The following ADAMTS2 variants were observed in gnomAD, a reference collection of about 807,000 sequenced individuals.
The protein encoded by ADAMTS2 is A disintegrin and metalloproteinase with thrombospondin motifs 2.
A neutral mutation model predicts 123.0 loss-of-function variants in ADAMTS2; 50 were observed. The ratio of observed to expected loss-of-function variants is 0.41; its 90% CI spans 0.32 to 0.51. The LOEUF is 0.51. ADAMTS2 is among the 20% of genes least tolerant of loss of function. The pLI is 0.35. For missense variants in ADAMTS2, 1,494 were observed against 1,705.2 expected, an observed-to-expected ratio of 0.88 and a Z score of 2.18; for synonymous variants, 678 against 695.4, an observed-to-expected ratio of 0.98 and a Z score of 0.39.
chr5:179,115,832 G>A lies in ADAMTS2; in HGVS notation c.3179-1508C>T, dbSNP rs867360469. 5.9e-5 allele frequency among the ~76,000 whole-genome samples: 9 copies of A among 151,998 alleles called. No individual in the cohort carries two copies. Among genetic ancestry groups the A allele is most frequent in the Non-Finnish European group, 1.0e-4 (7 of 68,006 alleles). On this transcript the variant is annotated intron_variant, in intron 21 of 21. Transcript: ENST00000251582. This position sits in a 1 kb window ranked among gnomAD's most constrained non-coding sequence, Gnocchi z 4.4. Reference sequence around the variant, plus strand: ...CAGACAAGACCCCCTTCCTTCCATCGAGGGCCAGTGGTTCTGATGTCCTGC... The same window carrying A: ...CAGACAAGACCCCCTTCCTTCCATCAAGGGCCAGTGGTTCTGATGTCCTGC...
In ADAMTS2 at chr5:179,272,909, ACCTGTGTCCAGGG is replaced by A; in HGVS notation, c.677_688+1del. 6.2e-7 allele frequency: 1 copy of A among 1,608,332 alleles called. No individual in the cohort carries two copies. The highest frequency in any genetic ancestry group is 1.7e-5 in the Admixed American group (1 of 59,990). ...CAGCCTGCCCACCTGCAGTAGCCTC[ACCTGTGTCCAGGG>A]CCTGTGGCCCCCCGAGAGGAGGGGA... On this transcript the variant is annotated splice_donor_variant and coding_sequence_variant, in exon 3 of 22. Transcript: ENST00000251582. LOFTEE classifies it high-confidence loss of function. The surrounding 1 kb of genome is among the most constrained non-coding windows in gnomAD (Gnocchi z 5.8).
intron 2 of ADAMTS2, among the ~76,000 whole-genome samples, chr5:179,331,068 C>T (rs571728793): frequency 6.6e-6 from 1 of 152,024 alleles, no homozygotes; most frequent in South Asian, 2.1e-4. Context: ...TCATCCCCAT[C>T]GCTGTGCCCT....
chr5:179,289,642 G>GA (rs1207236744), intron 2 of ADAMTS2, among the ~76,000 whole-genome samples: 1 of 152,164 alleles, frequency 6.6e-6, no homozygotes, highest in Non-Finnish European at 1.5e-5. Flanking sequence ...TCTGAGACCT[G>GA]AAAAAACCTC....
At chr5:179,329,131 TC>T (rs1232486642) in intron 2 of ADAMTS2, among the ~76,000 whole-genome samples, 1 of 151,904 alleles carries the variant, frequency 6.6e-6, no homozygotes, top group Non-Finnish European at 1.5e-5. Flanking sequence ...ATGGAGACCA[TC>T]CTGGCTAACA....
At position 179,320,181 on chromosome 5, in the gene ADAMTS2, C is replaced by T. The variant is rs186340004; in HGVS notation, c.534+23586G>A. On this transcript the variant is annotated intron_variant, in intron 2 of 21. Transcript: ENST00000251582. ...ATTCCCTCCCGCTCCATGTCTGCCT[C>T]GTGTCCTTCTCTCTCCTGCTGTGCT... Among the ~76,000 whole-genome samples, 1,121 of 152,304 alleles carry T rather than the reference C, an allele frequency of 7.4e-3. 6 individuals are homozygous for T. Among genetic ancestry groups the T allele is most frequent in the Non-Finnish European group, 0.011 (777 of 68,002 alleles).
rs567048036 is a variant in ADAMTS2, at chr5:179,303,535, A to C, written c.535-30471T>G. 1.3e-5 allele frequency among the ~76,000 whole-genome samples: 2 copies of C among 152,372 alleles called. No homozygotes were observed. The highest frequency in any genetic ancestry group is 3.9e-4 in the East Asian group (2 of 5,192). On this transcript the variant is annotated intron_variant, in intron 2 of 21. Coordinates refer to ENST00000251582, the MANE Select transcript of ADAMTS2 (RefSeq NM_014244.5). The surrounding 1 kb of genome is among the most constrained non-coding windows in gnomAD (Gnocchi z 4.7). ...GGCAGGTCAAACTCCAGAAGCGGGCACTGGGTACAGACAGACAGAGCTCGA... is the reference window on the plus strand; with the variant it reads ...GGCAGGTCAAACTCCAGAAGCGGGCCCTGGGTACAGACAGACAGAGCTCGA...
rs889440024 is a variant in ADAMTS2 at position 179,272,049 on chromosome 5, C to T, written c.688+862G>A. ...CTGAGCTCGCAGCTTCCCACTCTCC[C>T]AGCAAGAGCCAAGCACAGGCCAGGA... is the stretch of plus-strand genomic sequence containing the variant. On this transcript the variant is annotated intron_variant, in intron 3 of 21. Transcript: ENST00000251582. This position sits in a 1 kb window ranked among gnomAD's most constrained non-coding sequence, Gnocchi z 5.8. 6.6e-6 allele frequency among the ~76,000 whole-genome samples: 1 copy of T among 152,234 alleles called. No homozygotes were observed. The highest frequency in any genetic ancestry group is 2.4e-5 in the African/African-American group (1 of 41,470).
chr5:179,324,344 A>G (rs1247290429), intron 2 of ADAMTS2, among the ~76,000 whole-genome samples: 1 of 152,142 alleles, frequency 6.6e-6, no homozygotes, highest in East Asian at 1.9e-4. Context: ...AGGTATAATA[A>G]TGATTAAAAA....
chr5:179,186,522 C>T (rs1350181949), intron 4 of ADAMTS2, among the ~76,000 whole-genome samples: 1 of 152,168 alleles, frequency 6.6e-6, no homozygotes, highest in Non-Finnish European at 1.5e-5. Context: ...ACCTGCTTTT[C>T]AGGAGGCTGC....
intron 3 of ADAMTS2, among the ~76,000 whole-genome samples, chr5:179,243,560 A>G (rs1765714414): frequency 6.6e-6 from 1 of 152,184 alleles, no homozygotes; most frequent in Admixed American, 6.5e-5. Context: ...ACAACTGCAA[A>G]CAGCCTCAGA....
intron 2 of ADAMTS2, among the ~76,000 whole-genome samples, chr5:179,324,393 CT>C (rs35845418): frequency 1.8e-3 from 252 of 142,020 alleles, no homozygotes; most frequent in African/African-American, 4.6e-3. Context: ...TTATTTTTCT[CT>C]TTTTTTTTTT....
rs73808281 is a variant in ADAMTS2, at chr5:179,337,865, C to G, written c.534+5902G>C. 4.2e-4 allele frequency among the ~76,000 whole-genome samples: 59 copies of G among 139,588 alleles called. 1 individual carries two copies. Among genetic ancestry groups the G allele is most frequent in the African/African-American group, 1.4e-3 (52 of 36,470 alleles). 91.6% of individuals were successfully genotyped at this position (139,588 alleles called of 152,430 possible). On this transcript the variant is annotated intron_variant, in intron 2 of 21. Coordinates refer to ENST00000251582, the MANE Select transcript of ADAMTS2 (RefSeq NM_014244.5). ...CCTTCACCTCCCAGCTGACTCTGCA[C>G]GAGGGCCTGAATTCACTCACTCACC...
intron 2 of ADAMTS2, among the ~76,000 whole-genome samples, chr5:179,329,114 T>C (rs564086278): frequency 6.6e-6 from 1 of 151,974 alleles, no homozygotes; most frequent in South Asian, 2.1e-4. Flanking sequence ...GATCACGAGG[T>C]CAGGAGATGG....
chr5:179,250,556 A>G (rs904544844), intron 3 of ADAMTS2, among the ~76,000 whole-genome samples: 2 of 152,210 alleles, frequency 1.3e-5, no homozygotes, highest in Admixed American at 1.3e-4. Flanking sequence ...TAAACCCACC[A>G]TAAAGGAAAG....
rs147495432 is a variant in ADAMTS2 at position 179,214,618 on chromosome 5, C to A, written c.689-6903G>T. ...AAAAAGAGCTTATCAGCTATAACAG[C>A]AAAACTCCCAAGTATCTAAGAACAA... On this transcript the variant is annotated intron_variant, in intron 3 of 21. Coordinates refer to ENST00000251582, the MANE Select transcript of ADAMTS2 (RefSeq NM_014244.5). 1.8e-3 allele frequency among the ~76,000 whole-genome samples: 268 copies of A among 152,272 alleles called. 2 individuals carry two copies. Among genetic ancestry groups the A allele is most frequent in the African/African-American group, 4.4e-3 (182 of 41,568 alleles).
At chr5:179,291,465 C>A (rs1450943893) in intron 2 of ADAMTS2, among the ~76,000 whole-genome samples, 1 of 152,194 alleles carries the variant, frequency 6.6e-6, no homozygotes. Flanking sequence ...CACGACCCTT[C>A]CCGTGTCCTC....
chr5:179,282,991 G>A (rs866901489), intron 2 of ADAMTS2, among the ~76,000 whole-genome samples: 2 of 152,102 alleles, frequency 1.3e-5, no homozygotes, highest in South Asian at 2.1e-4. Flanking sequence ...GTGCACAGAG[G>A]GATGGCTTCA....
In ADAMTS2 at chr5:179,181,949, G is replaced by A. The variant is rs991085203; in HGVS notation, c.892-794C>T. 2.0e-5 allele frequency among the ~76,000 whole-genome samples: 3 copies of A among 152,040 alleles called. No individual in the cohort carries two copies. The highest frequency in any genetic ancestry group is 4.4e-5 in the Non-Finnish European group (3 of 68,006). On this transcript the variant is annotated intron_variant, in intron 4 of 21. Coordinates refer to ENST00000251582, the MANE Select transcript of ADAMTS2 (RefSeq NM_014244.5). This position sits in a 1 kb window ranked among gnomAD's most constrained non-coding sequence, Gnocchi z 4.1. ...GTTATCCCGGGCTCGAGGCTGTCAG[G>A]GGCTTCCTTCGCACTGAGCCCCCAC...
intron 1 of ADAMTS2, 151 bp from the exon 2 acceptor site, chr5:179,344,312 C>A: frequency 1.9e-6 from 2 of 1,047,586 alleles, no homozygotes; most frequent in Non-Finnish European, 2.7e-6. Flanking sequence ...CTGCACCTCC[C>A]CGGCTTTCCT....
Sources: allele counts gnomAD v4.1 joint callset (sites outside exome capture counted in the v4.1 genomes callset), GRCh38; gene constraint gnomAD v4.1.1; non-coding constraint Gnocchi (gnomAD v3.1); transcripts MANE v1.5; gene names NCBI Gene and HGNC (gene_info 2026-07-23, HGNC 2026-07-21).